Variants in XIRP2 observed in about 807,000 individuals in gnomAD.
XIRP2 encodes the protein xin actin binding repeat containing 2.
A neutral mutation model predicts 277.0 loss-of-function variants in XIRP2; 236 were observed. The observed-to-expected ratio is 0.85, with a 90% confidence interval of 0.77 to 0.95. The LOEUF is 0.95. Among genes scored for constraint, XIRP2 ranks in the 40% least tolerant of loss-of-function variants. The pLI is 0.00. For synonymous variants in XIRP2, 1,490 were observed against 1,416.5 expected (o/e 1.05, Z -1.17); for missense variants, 4,640 against 4,157.5 (o/e 1.12, Z -3.19).
chr2:167,251,616 C>G lies in XIRP2; in HGVS notation c.10224C>G (p.Ile3408Met). The G allele has an allele frequency of 6.2e-7, 1 of 1,613,528 alleles. No homozygotes were observed. The highest frequency in any genetic ancestry group is 2.2e-5 in the East Asian group (1 of 44,828). Residue 3408 changes from isoleucine (I) to methionine (M), a missense_variant, in exon 9 of 11, where the codon ATC (isoleucine) becomes ATG (methionine). Physicochemically the swap from Ile to Met is conservative, Grantham distance 10. Coordinates refer to ENST00000409195, the MANE Select transcript of XIRP2 (RefSeq NM_152381.6). ...AGATTCCTGTTAAGCAGCCCAGGAT[C>G]TGCTCTGAAACCAGGTCTCTAAGTG... ...REKIPVKQPR[I>M]CSETRSLSEH...
chr2:166,918,776 A>G (rs1466603284), intron 2 of XIRP2, among the ~76,000 whole-genome samples: 3 of 152,062 alleles, frequency 2.0e-5, no homozygotes, highest in Non-Finnish European at 4.4e-5. Flanking sequence ...AGATATTAAG[A>G]TTAGGGAACA....
intron 2 of XIRP2, among the ~76,000 whole-genome samples, chr2:166,999,327 GTTTA>G (rs1269809350): frequency 2.0e-5 from 3 of 151,880 alleles, no homozygotes; most frequent in Admixed American, 1.3e-4. Flanking sequence ...ATTTTATTCT[GTTTA>G]TTTCTCTCTG....
chr2:167,247,640 TA>T lies in XIRP2; in HGVS notation c.6250del (p.Thr2084LeufsTer10). On this transcript the variant is annotated frameshift_variant, in exon 9 of 11. Coordinates refer to ENST00000409195, the MANE Select transcript of XIRP2 (RefSeq NM_152381.6). LOFTEE classifies it high-confidence loss of function. ...AGAGATGAATATATGAGCAGACAAT[TA>T]ACTTCAACTGTGTCAGTTAAGAATA... ...HLRDEYMSRQ[L>X]TSTVSVKNNL... is the part of the protein sequence containing the mutation. The T allele has an allele frequency of 6.2e-7, 1 of 1,613,592 alleles. No individual in the cohort carries two copies. Among genetic ancestry groups the T allele is most frequent in the South Asian group, 1.1e-5 (1 of 91,062 alleles).
intron 2 of XIRP2, among the ~76,000 whole-genome samples, chr2:167,103,094 G>A (rs934394439): frequency 5.9e-5 from 9 of 152,030 alleles, no homozygotes; most frequent in Non-Finnish European, 1.2e-4. Flanking sequence ...AGTTCAGATC[G>A]CGCCACTACA....
At chr2:167,211,946 G>T (rs1359237568) in intron 4 of XIRP2, among the ~76,000 whole-genome samples, 1 of 152,104 alleles carries the variant, frequency 6.6e-6, no homozygotes, top group Non-Finnish European at 1.5e-5. Context: ...AATTAGCCTA[G>T]TTGTGTATGA....
intron 3 of XIRP2, among the ~76,000 whole-genome samples, chr2:167,173,753 G>A (rs149817443): frequency 4.1e-4 from 63 of 152,260 alleles, no homozygotes; most frequent in Non-Finnish European, 7.1e-4. Context: ...TACTTACAGT[G>A]TACTAGGGTT....
chr2:167,083,303 ATC>A (rs1689804941), intron 2 of XIRP2, among the ~76,000 whole-genome samples: 1 of 152,084 alleles, frequency 6.6e-6, no homozygotes, highest in Non-Finnish European at 1.5e-5. Context: ...ATTGATCTAT[ATC>A]TCTGTTTTGG....
chr2:167,127,771 G>T (rs1054336310), intron 2 of XIRP2, among the ~76,000 whole-genome samples: 1 of 152,152 alleles, frequency 6.6e-6, no homozygotes, highest in Non-Finnish European at 1.5e-5. Context: ...TGAAACTCCA[G>T]CATCATTTTT....
intron 1 of XIRP2, among the ~76,000 whole-genome samples, chr2:166,894,393 T>G (rs1268690604): frequency 6.6e-6 from 1 of 152,150 alleles, no homozygotes; most frequent in Non-Finnish European, 1.5e-5. Flanking sequence ...TCCATGTATT[T>G]ACTAAATCTT....
rs1333117548 is a variant in XIRP2 at position 167,245,098 on chromosome 2, G to A, written c.3706G>A (p.Val1236Ile). The change falls in exon 9 of 11, where the codon GTT (valine) becomes ATT (isoleucine). Residue 1236 changes from valine to isoleucine, a missense_variant. Physicochemically the swap from Val to Ile is conservative, Grantham distance 29. Coordinates refer to ENST00000409195, the MANE Select transcript of XIRP2 (RefSeq NM_152381.6). Reference sequence around the variant, plus strand: ...AACTGAAGATATTCAGAAAGGCAATGTTTTAAATTGTAGGTGGCTTTTTGA... The same window carrying A: ...AACTGAAGATATTCAGAAAGGCAATATTTTAAATTGTAGGTGGCTTTTTGA... ...LKTEDIQKGNVLNCRWLFENQ... is the reference protein window; with the variant it reads ...LKTEDIQKGNILNCRWLFENQ... 1.2e-6 allele frequency: 2 copies of A among 1,610,324 alleles called. No individual in the cohort carries two copies. Among genetic ancestry groups the A allele is most frequent in the African/African-American group, 1.3e-5 (1 of 74,574 alleles).
intron 1 of XIRP2, among the ~76,000 whole-genome samples, chr2:166,900,407 C>G (rs1293994634): frequency 1.3e-5 from 2 of 151,910 alleles, no homozygotes; most frequent in African/African-American, 4.8e-5. Flanking sequence ...TGATTCTTCA[C>G]TAATGCAATT....
chr2:167,125,332 T>C (rs190501541), intron 2 of XIRP2, among the ~76,000 whole-genome samples: 1 of 152,306 alleles, frequency 6.6e-6, no homozygotes, highest in Non-Finnish European at 1.5e-5. Context: ...AAGGAGTTGG[T>C]ATTTTACCTC....
chr2:167,239,055 G>A (rs905605116), intron 5 of XIRP2, among the ~76,000 whole-genome samples: 2 of 152,092 alleles, frequency 1.3e-5, no homozygotes, highest in Non-Finnish European at 2.9e-5. Context: ...ACATAAACTA[G>A]CATAATAATT....
At chr2:167,047,776 C>G (rs1688820112) in intron 2 of XIRP2, among the ~76,000 whole-genome samples, 1 of 151,858 alleles carries the variant, frequency 6.6e-6, no homozygotes, top group Non-Finnish European at 1.5e-5. Flanking sequence ...TGGCTTTGAA[C>G]TATTGTGAAT....
intron 2 of XIRP2, among the ~76,000 whole-genome samples, chr2:166,958,283 G>A (rs772676572): frequency 4.0e-5 from 6 of 151,882 alleles, no homozygotes; most frequent in Non-Finnish European, 7.4e-5. Context: ...TATTTATGCA[G>A]CAGTGTTTCA....
chr2:167,056,907 T>C lies in XIRP2; in HGVS notation c.409-79002T>C, dbSNP rs557805710. On this transcript the variant is annotated intron_variant, in intron 2 of 10. Coordinates refer to ENST00000409195, the MANE Select transcript of XIRP2 (RefSeq NM_152381.6). ...GGTGGAATTGGGGATAGGTTGAAAGTGCCTCCTGTGCTTCTTTGGGAGTGA... is the reference window on the plus strand; with the variant it reads ...GGTGGAATTGGGGATAGGTTGAAAGCGCCTCCTGTGCTTCTTTGGGAGTGA... Among the ~76,000 whole-genome samples the C allele has an allele frequency of 9.2e-5, 14 of 152,252 alleles. No homozygotes were observed. The South Asian group carries it at 2.9e-3, about 32-fold the overall frequency.
At chr2:167,219,053 T>A (rs1230965181) in intron 5 of XIRP2, among the ~76,000 whole-genome samples, 1 of 144,408 alleles carries the variant, frequency 6.9e-6, no homozygotes, top group Non-Finnish European at 1.5e-5. Context: ...GTGGATGTAT[T>A]TTTTTTTAAT....
chr2:167,137,555 C>T (rs1385248323), intron 3 of XIRP2, among the ~76,000 whole-genome samples: 3 of 152,180 alleles, frequency 2.0e-5, no homozygotes, highest in African/African-American at 4.8e-5. Flanking sequence ...CCACTCATCA[C>T]ATCTTACTTC....
intron 2 of XIRP2, among the ~76,000 whole-genome samples, chr2:167,052,301 T>C (rs1010799215): frequency 1.1e-4 from 16 of 152,138 alleles, no homozygotes; most frequent in African/African-American, 3.9e-4. Context: ...AATCTAATCT[T>C]GGCAACTTTT....
Sources: gnomAD v4.1 joint callset for allele counts (sites outside exome capture counted in the v4.1 genomes callset) on GRCh38, gnomAD v4.1.1 for gene constraint, MANE v1.5 for transcripts, NCBI Gene and HGNC (gene_info 2026-07-23, HGNC 2026-07-21) for gene names.